Variants in KCNQ5 observed in about 807,000 individuals in gnomAD.
KCNQ5 encodes the protein potassium voltage-gated channel subfamily KQT member 5.
KCNQ5 carries 30 observed loss-of-function variants against 98.2 expected under a neutral mutation model. The observed-to-expected ratio is 0.31, with a 90% CI of 0.23 to 0.41. The LOEUF is 0.41. Among genes scored for constraint, KCNQ5 ranks in the 10% least tolerant of loss-of-function variants. KCNQ5 has a pLI of 1.00. For missense variants in KCNQ5, 835 were observed against 1,182.5 expected, an observed-to-expected ratio of 0.71 and a Z score of 4.31; for synonymous variants, 458 against 449.4, an observed-to-expected ratio of 1.02 and a Z score of -0.24.
intron 1 of KCNQ5, among the ~76,000 whole-genome samples, chr6:72,990,331 C>G (rs1769032202): frequency 8.0e-5 from 4 of 50,068 alleles, no homozygotes; most frequent in East Asian, 5.4e-4. Flanking sequence ...CTTTTATTTC[C>G]TTGAGCAGTG....
intron 1 of KCNQ5, among the ~76,000 whole-genome samples, chr6:72,858,387 T>C (rs910312716): frequency 1.3e-5 from 2 of 152,026 alleles, no homozygotes; most frequent in Non-Finnish European, 2.9e-5. Flanking sequence ...CTTCATACTC[T>C]TTTTTCCAAG....
chr6:72,821,096 G>A (rs1775733499), intron 1 of KCNQ5, among the ~76,000 whole-genome samples: 1 of 152,146 alleles, frequency 6.6e-6, no homozygotes, highest in African/African-American at 2.4e-5. Context: ...GACAATGTGG[G>A]GATGTTGAGA....
intron 1 of KCNQ5, among the ~76,000 whole-genome samples, chr6:72,680,333 A>G (rs1436360036): frequency 6.6e-6 from 1 of 152,214 alleles, no homozygotes; most frequent in Non-Finnish European, 1.5e-5. Flanking sequence ...TTCAAGGTAC[A>G]TTCATGGTGT....
chr6:72,898,960 C>T (rs544800958), intron 1 of KCNQ5, among the ~76,000 whole-genome samples: 35 of 152,120 alleles, frequency 2.3e-4, no homozygotes, highest in African/African-American at 7.5e-4. Flanking sequence ...GTTTGTTGGC[C>T]GCATAAATGC....
intron 1 of KCNQ5, among the ~76,000 whole-genome samples, chr6:72,672,105 G>C (rs7742742): frequency 0.52 from 77,201 of 149,378 alleles, 22,927 homozygotes; most frequent in African/African-American, 0.82. Context: ...CATGAGCCAC[G>C]ACGCCTGGCC....
At chr6:72,676,596 A>G (rs745783225) in intron 1 of KCNQ5, among the ~76,000 whole-genome samples, 5 of 152,210 alleles carry the variant, frequency 3.3e-5, no homozygotes, top group African/African-American at 7.2e-5. Flanking sequence ...GGTAATTAGT[A>G]TGAAATTTTA....
intron 5 of KCNQ5, among the ~76,000 whole-genome samples, chr6:73,092,076 T>C (rs1041924000): frequency 2.0e-5 from 3 of 149,490 alleles, no homozygotes; most frequent in Admixed American, 1.3e-4. Flanking sequence ...CTAAGTTTTG[T>C]GGATTTTTTT....
At chr6:72,628,762 A>G (rs542168794) in intron 1 of KCNQ5, among the ~76,000 whole-genome samples, 27 of 152,152 alleles carry the variant, frequency 1.8e-4, no homozygotes, top group African/African-American at 6.3e-4. Flanking sequence ...GACGTGCGCC[A>G]CCATACCTGG....
intron 3 of KCNQ5, among the ~76,000 whole-genome samples, chr6:73,049,204 T>C (rs1480506935): frequency 6.6e-6 from 1 of 152,206 alleles, no homozygotes; most frequent in Non-Finnish European, 1.5e-5. Context: ...AGTGCATAGT[T>C]GATTGCAGTA....
intron 1 of KCNQ5, among the ~76,000 whole-genome samples, chr6:72,786,231 A>G (rs1483253238): frequency 6.6e-6 from 1 of 152,186 alleles, no homozygotes; most frequent in Non-Finnish European, 1.5e-5. Context: ...CAGTAGCCAC[A>G]TGGGTGAGTG....
At chr6:72,959,757 A>G (rs1767246728) in intron 1 of KCNQ5, among the ~76,000 whole-genome samples, 1 of 152,200 alleles carries the variant, frequency 6.6e-6, no homozygotes, top group South Asian at 2.1e-4. Context: ...GAAAACTCAA[A>G]CTGAAACTGT....
intron 1 of KCNQ5, among the ~76,000 whole-genome samples, chr6:72,906,230 G>A (rs77682541): frequency 0.046 from 6,977 of 152,240 alleles, 230 homozygotes; most frequent in Middle Eastern, 0.12. Context: ...CTGAAGGGCC[G>A]GTCTCAATCC....
intron 3 of KCNQ5, among the ~76,000 whole-genome samples, chr6:73,071,765 C>A (rs1329847400): frequency 2.0e-5 from 3 of 152,162 alleles, no homozygotes. Context: ...ATGAGCGATC[C>A]TCCCCCATGA....
intron 1 of KCNQ5, among the ~76,000 whole-genome samples, chr6:72,710,600 T>C (rs1200506676): frequency 2.0e-5 from 3 of 152,282 alleles, no homozygotes; most frequent in Non-Finnish European, 4.4e-5. Flanking sequence ...CAAAGAAGGC[T>C]ATTATGTGGT....
At chr6:72,695,679 A>AAT (rs200051672) in intron 1 of KCNQ5, among the ~76,000 whole-genome samples, 3,123 of 152,230 alleles carry the variant, frequency 0.021, 40 homozygotes, top group Non-Finnish European at 0.029. Flanking sequence ...ATTTTATATA[A>AAT]ATATATATGT....
intron 1 of KCNQ5, among the ~76,000 whole-genome samples, chr6:72,719,855 C>T (rs375548001): frequency 1.3e-5 from 2 of 152,204 alleles, no homozygotes; most frequent in South Asian, 4.1e-4. Context: ...GACTGACACC[C>T]CAGACTTGGG....
intron 1 of KCNQ5, among the ~76,000 whole-genome samples, chr6:72,997,319 GTTGCC>G (rs1769351544): frequency 6.6e-6 from 1 of 151,996 alleles, no homozygotes; most frequent in Admixed American, 6.6e-5. Flanking sequence ...TATGGGTTCT[GTTGCC>G]ATCTCCTAGC....
chr6:72,904,013 A>G (rs1779605587), intron 1 of KCNQ5, among the ~76,000 whole-genome samples: 1 of 152,196 alleles, frequency 6.6e-6, no homozygotes, highest in South Asian at 2.1e-4. Flanking sequence ...TGCAAGCTCT[A>G]GTGTTAAGTC....
At chr6:72,664,899 T>A (rs1024703033) in intron 1 of KCNQ5, among the ~76,000 whole-genome samples, 1 of 152,354 alleles carries the variant, frequency 6.6e-6, no homozygotes, top group East Asian at 1.9e-4. Flanking sequence ...AATGTAATTG[T>A]CATTAATCTC....
Sources: allele counts gnomAD v4.1 joint callset (sites outside exome capture counted in the v4.1 genomes callset), GRCh38; gene constraint gnomAD v4.1.1; transcripts MANE v1.5; gene names NCBI Gene and HGNC (gene_info 2026-07-23, HGNC 2026-07-21).